PLD5: variants seen among roughly 807,000 people sequenced by gnomAD.
The protein encoded by PLD5 is inactive phospholipase D5.
PLD5 carries 36 observed loss-of-function variants against 61.1 expected under a neutral mutation model. That is an observed-to-expected ratio of 0.59 (90% CI 0.45 to 0.78). PLD5 has a LOEUF of 0.78. PLD5 is among the 30% of genes least tolerant of loss of function. The pLI is 0.00. For missense variants in PLD5, 515 were observed against 644.4 expected (o/e 0.80, Z 2.17); for synonymous variants, 243 against 242.8 (o/e 1.00, Z -0.01).
intron 6 of PLD5, among the ~76,000 whole-genome samples, chr1:242,119,918 G>C (rs1490925562): frequency 1.3e-5 from 2 of 152,144 alleles, no homozygotes; most frequent in East Asian, 3.8e-4. Flanking sequence ...AATAGTAGTA[G>C]TACAAATGCC....
intron 1 of PLD5, among the ~76,000 whole-genome samples, chr1:242,477,294 A>G (rs773295248): frequency 1.8e-4 from 28 of 151,944 alleles, no homozygotes; most frequent in Non-Finnish European, 3.2e-4. Context: ...GTGAAGGGAA[A>G]TGCTGTCCTG....
chr1:242,401,385 G>A (rs1468907081), intron 1 of PLD5, among the ~76,000 whole-genome samples: 2 of 152,026 alleles, frequency 1.3e-5, no homozygotes, highest in Non-Finnish European at 2.9e-5. Context: ...AGCCCGAGTG[G>A]TCTTCTGTAA....
intron 1 of PLD5, among the ~76,000 whole-genome samples, chr1:242,436,022 A>C (rs1414378224): frequency 6.6e-6 from 1 of 152,154 alleles, no homozygotes; most frequent in Non-Finnish European, 1.5e-5. Flanking sequence ...TTCAAAACCC[A>C]TTAGAGTATC....
chr1:242,288,868 A>G (rs1256758539), intron 2 of PLD5, among the ~76,000 whole-genome samples: 1 of 152,026 alleles, frequency 6.6e-6, no homozygotes, highest in Non-Finnish European at 1.5e-5. Context: ...ATATTCCTTT[A>G]TTTTTCCCTG....
chr1:242,261,766 GA>G (rs1413753506), intron 4 of PLD5, among the ~76,000 whole-genome samples: 2 of 152,172 alleles, frequency 1.3e-5, no homozygotes, highest in Admixed American at 6.5e-5. Context: ...TCAGAGAAAT[GA>G]ATATTAAAGA....
intron 1 of PLD5, among the ~76,000 whole-genome samples, chr1:242,395,085 A>ATATGAATG (rs1663484153): frequency 7.0e-6 from 1 of 143,512 alleles, no homozygotes; most frequent in Non-Finnish European, 1.5e-5. Context: ...ATATATGTAT[A>ATATGAATG]TATATGAATA....
chr1:242,232,183 T>C (rs1277954892), intron 4 of PLD5, among the ~76,000 whole-genome samples: 2 of 152,058 alleles, frequency 1.3e-5, no homozygotes, highest in Non-Finnish European at 2.9e-5. Flanking sequence ...ATAATATAAT[T>C]TCAGAATATT....
intron 5 of PLD5, among the ~76,000 whole-genome samples, chr1:242,142,162 C>G (rs1334147632): frequency 6.6e-6 from 1 of 152,212 alleles, no homozygotes; most frequent in Non-Finnish European, 1.5e-5. Context: ...AAGACTTCAT[C>G]TCCTCAGAGG....
intron 1 of PLD5, among the ~76,000 whole-genome samples, chr1:242,423,780 A>G (rs771684375): frequency 1.3e-5 from 2 of 152,164 alleles, no homozygotes; most frequent in Non-Finnish European, 2.9e-5. Flanking sequence ...GGTCATGGTC[A>G]TATTCACTGC....
intron 2 of PLD5, among the ~76,000 whole-genome samples, chr1:242,335,337 T>C (rs544583180): frequency 1.4e-4 from 22 of 152,304 alleles, no homozygotes; most frequent in African/African-American, 5.3e-4. Flanking sequence ...TGGTATATTA[T>C]AGATACACAA....
chr1:242,391,904 C>A (rs1485344486), intron 1 of PLD5, among the ~76,000 whole-genome samples: 1 of 152,198 alleles, frequency 6.6e-6, no homozygotes, highest in Non-Finnish European at 1.5e-5. Flanking sequence ...AATCCCATTA[C>A]TGGTTATATA....
Position 242,137,837 on chromosome 1 carries a change from T to TG in PLD5, c.736-13173dup, listed in dbSNP as rs1356864148. On this transcript the variant is annotated intron_variant, in intron 5 of 9. Coordinates refer to ENST00000536534, the MANE Select transcript of PLD5 (RefSeq NM_001372062.1). ...GAAATGAAAGTAATGCCACTGAATG[T>TG]GGGGGAAAAAGAAAAGAAAAGGCCA... is the stretch of plus-strand genomic sequence containing the variant. Among the ~76,000 whole-genome samples the TG allele has an allele frequency of 4.0e-5, 6 of 151,898 alleles. No homozygotes were observed. The East Asian group carries it at 1.2e-3, about 29-fold the overall frequency.
chr1:242,269,824 T>C (rs1411548231), intron 3 of PLD5, among the ~76,000 whole-genome samples: 1 of 152,048 alleles, frequency 6.6e-6, no homozygotes, highest in East Asian at 1.9e-4. Flanking sequence ...GGAGCCATCA[T>C]TTTTACGCAA....
chr1:242,116,169 G>A (rs140075100), intron 6 of PLD5, among the ~76,000 whole-genome samples: 8 of 152,198 alleles, frequency 5.3e-5, no homozygotes, highest in South Asian at 2.1e-4. Flanking sequence ...AGTATTGGGC[G>A]GTCAGAGTTC....
intron 5 of PLD5, among the ~76,000 whole-genome samples, chr1:242,161,323 TGA>T (rs1665808173): frequency 6.6e-6 from 1 of 152,024 alleles, no homozygotes; most frequent in Admixed American, 6.5e-5. Flanking sequence ...TCAGATCTCG[TGA>T]GACTTATTCA....
At chr1:242,502,022 A>G (rs1432307250) in intron 1 of PLD5, among the ~76,000 whole-genome samples, 1 of 152,094 alleles carries the variant, frequency 6.6e-6, no homozygotes, top group Non-Finnish European at 1.5e-5. Flanking sequence ...ATAGCTGGAG[A>G]TGCTAAGACA....
At chr1:242,419,184 G>C (rs1664990786) in intron 1 of PLD5, among the ~76,000 whole-genome samples, 1 of 152,200 alleles carries the variant, frequency 6.6e-6, no homozygotes, top group African/African-American at 2.4e-5. Flanking sequence ...TGCTCAGTGT[G>C]GAGATGAGAT....
At position 242,089,946 on chromosome 1, in the gene PLD5, G is replaced by C. The variant is rs763782539; in HGVS notation, c.1519C>G (p.Gln507Glu). Residue 507 changes from glutamine to glutamate, a missense_variant, in exon 10 of 10, where the codon CAG becomes GAG. By Grantham distance (29) the Gln-to-Glu change is conservative. Transcript: ENST00000536534. Reference protein sequence around the residue: ...PYAKTLQPTKQPNCSSLFKLK... With the variant: ...PYAKTLQPTKEPNCSSLFKLK... ...TTGAACAGGCTTGAGCAGTTCGGCT[G>C]TTTGGTTGGCTGTAAGGTTTTGGCA... The C allele has an allele frequency of 6.2e-7, 1 of 1,614,172 alleles. No individual in the cohort carries two copies. The highest frequency in any genetic ancestry group is 1.1e-5 in the South Asian group (1 of 91,076).
intron 1 of PLD5, among the ~76,000 whole-genome samples, chr1:242,401,886 C>T (rs569408388): frequency 1.5e-4 from 23 of 152,296 alleles, no homozygotes; most frequent in Admixed American, 9.8e-4. Flanking sequence ...TGTGCATTTC[C>T]GATAACTAGA....
Sources: gnomAD v4.1 joint callset for allele counts (sites outside exome capture counted in the v4.1 genomes callset) on GRCh38, gnomAD v4.1.1 for gene constraint, MANE v1.5 for transcripts, NCBI Gene and HGNC (gene_info 2026-07-23, HGNC 2026-07-21) for gene names.